The following ADARB2 variants were observed in gnomAD, a reference collection of about 807,000 sequenced individuals.
ADARB2 encodes the protein inactive double-stranded RNA-specific editase B2.
Under a neutral mutation model 62.2 loss-of-function variants are expected in ADARB2, and 25 were observed. The ratio of observed to expected loss-of-function variants is 0.40; its 90% CI spans 0.29 to 0.56. The LOEUF (loss-of-function observed/expected upper bound fraction) is 0.56, where lower values mean the gene tolerates loss of function less well. Ranked by LOEUF, ADARB2 falls within the 20% of genes least tolerant of loss-of-function variation. The pLI, the probability that ADARB2 is intolerant of heterozygous loss-of-function variation, is 0.43. For synonymous variants in ADARB2, 572 were observed against 500.8 expected (o/e 1.14, Z -1.90); for missense variants, 1,071 against 1,077.4 (o/e 0.99, Z 0.08).
At chr10:1,575,127 C>A (rs901373837) in intron 1 of ADARB2, among the ~76,000 whole-genome samples, 1 of 152,136 alleles carries the variant, frequency 6.6e-6, no homozygotes, top group Non-Finnish European at 1.5e-5. Flanking sequence ...ATTGATGGAC[C>A]AGAATGAATC....
chr10:1,207,354 C>T (rs1198025968), intron 7 of ADARB2, among the ~76,000 whole-genome samples: 2 of 152,138 alleles, frequency 1.3e-5, no homozygotes, highest in African/African-American at 4.8e-5. Flanking sequence ...TCAATCTGTA[C>T]AATTTTACTC....
At chr10:1,716,466 T>C (rs1443504755) in intron 1 of ADARB2, among the ~76,000 whole-genome samples, 2 of 152,266 alleles carry the variant, frequency 1.3e-5, no homozygotes, top group African/African-American at 2.4e-5. Flanking sequence ...TGTGAATTAA[T>C]CATTTGAGCA....
intron 7 of ADARB2, among the ~76,000 whole-genome samples, chr10:1,202,671 G>A (rs76155259): frequency 0.058 from 8,867 of 152,268 alleles, 872 homozygotes; most frequent in African/African-American, 0.2. Context: ...CCAGGGCTCC[G>A]GGTACTGTGG....
At chr10:1,247,693 C>T (rs75374394) in intron 4 of ADARB2, among the ~76,000 whole-genome samples, 3,882 of 152,238 alleles carry the variant, frequency 0.025, 60 homozygotes, top group Middle Eastern at 0.051. Flanking sequence ...GAAACGGCAC[C>T]AACCAGCATT....
rs1335790941 is a variant in ADARB2, at chr10:1,181,275, T to A, written c.*1918A>T. The A allele has an allele frequency of 2.0e-5, 3 of 152,350 alleles. No individual in the cohort carries two copies. The highest frequency in any genetic ancestry group is 7.2e-5 in the African/African-American group (3 of 41,582). The allele number at this position is 152,350 out of a possible 1,614,324, so 9.4% of individuals were successfully genotyped here. On this transcript the variant is annotated 3_prime_UTR_variant, in exon 10 of 10. Transcript: ENST00000381312. The stretch of plus-strand genomic sequence containing the variant: ...CACCCATCACCTCTCGACTCTAAGT[T>A]CTCTAAGCTTCATCCTAGTGATGTC...
chr10:1,545,570 C>T (rs1176962596), intron 1 of ADARB2, among the ~76,000 whole-genome samples: 1 of 152,188 alleles, frequency 6.6e-6, no homozygotes, highest in African/African-American at 2.4e-5. Context: ...CTCCCCTTCC[C>T]TTAAGGAAGA....
chr10:1,588,639 T>C (rs1310941915), intron 1 of ADARB2, among the ~76,000 whole-genome samples: 1 of 152,078 alleles, frequency 6.6e-6, no homozygotes, highest in Non-Finnish European at 1.5e-5. Flanking sequence ...GCTCGGAATT[T>C]TGGCCTAAGG....
chr10:1,206,980 T>C (rs1176130454), intron 7 of ADARB2, among the ~76,000 whole-genome samples: 1 of 152,212 alleles, frequency 6.6e-6, no homozygotes, highest in African/African-American at 2.4e-5. Context: ...GGCTGCTGAT[T>C]GTTTCATTAT....
At chr10:1,349,413 G>A (rs1225841363) in intron 3 of ADARB2, among the ~76,000 whole-genome samples, 3 of 152,126 alleles carry the variant, frequency 2.0e-5, no homozygotes, top group Non-Finnish European at 4.4e-5. Flanking sequence ...TCACACGAAC[G>A]TGCATGAAAT....
intron 3 of ADARB2, chr10:1,361,440 C>T (rs936809025): frequency 3.9e-5 from 6 of 152,072 alleles, no homozygotes; most frequent in African/African-American, 1.2e-4. Flanking sequence ...TATTTGAGGG[C>T]GAGTTTGGAC....
Position 1,233,809 on chromosome 10 carries a change from C to T in ADARB2, c.1398G>A (p.Val466=). The T allele has an allele frequency of 6.2e-7, 1 of 1,614,016 alleles. No individual in the cohort carries two copies. The highest frequency in any genetic ancestry group is 1.1e-5 in the South Asian group (1 of 91,044). Residue 466 remains valine (V), a synonymous_variant, in exon 6 of 10, where the codon GTG becomes GTA. Transcript: ENST00000381312. ...GCCGGTAGCCACCTTCTTTTAACCGCACGAATATCGATCGCTCTGAGTCCT... is the reference window on the plus strand; with the variant it reads ...GCCGGTAGCCACCTTCTTTTAACCGTACGAATATCGATCGCTCTGAGTCCT... The part of the protein sequence containing the change: ...RREDSERSIF[V]RLKEGGYRLR...
chr10:1,511,693 G>C (rs182976694), intron 1 of ADARB2, among the ~76,000 whole-genome samples: 1 of 150,968 alleles, frequency 6.6e-6, no homozygotes, highest in Admixed American at 6.6e-5. Context: ...CCAAGACGTC[G>C]ATACTGTCCA....
At chr10:1,634,616 G>A (rs1438382062) in intron 1 of ADARB2, among the ~76,000 whole-genome samples, 1 of 152,228 alleles carries the variant, frequency 6.6e-6, no homozygotes, top group African/African-American at 2.4e-5. Context: ...TACTTGGCAA[G>A]ATTCCTGCAC....
intron 1 of ADARB2, among the ~76,000 whole-genome samples, chr10:1,603,132 CACAT>C (rs1409241597): frequency 1.3e-5 from 2 of 151,386 alleles, no homozygotes; most frequent in African/African-American, 2.4e-5. Context: ...CACCTATACA[CACAT>C]AAACACACAC....
At chr10:1,217,168 G>C (rs771325574) in intron 6 of ADARB2, 49 bp from the exon 7 acceptor site, 18 of 1,487,094 alleles carry the variant, frequency 1.2e-5, no homozygotes, top group Non-Finnish European at 1.5e-5. Context: ...AGCCGCCTTG[G>C]TTTTGGGAGG....
chr10:1,562,599 T>C (rs1337283065), intron 1 of ADARB2, among the ~76,000 whole-genome samples: 4 of 152,230 alleles, frequency 2.6e-5, no homozygotes, highest in Non-Finnish European at 5.9e-5. Flanking sequence ...GCCTAGCATA[T>C]AGTAGGTGCT....
At chr10:1,403,136 A>G (rs1264945127) in intron 1 of ADARB2, among the ~76,000 whole-genome samples, 1 of 152,174 alleles carries the variant, frequency 6.6e-6, no homozygotes, top group Non-Finnish European at 1.5e-5. Context: ...TGCTGCCTCC[A>G]CTGGACCCTG....
At chr10:1,600,522 C>CGGG (rs1476010688) in intron 1 of ADARB2, among the ~76,000 whole-genome samples, 6 of 151,888 alleles carry the variant, frequency 4.0e-5, no homozygotes, top group Non-Finnish European at 5.9e-5. Flanking sequence ...AGTAGCTGGG[C>CGGG]GTGGTGGTGC....
At chr10:1,384,846 G>A (rs950876975) in intron 1 of ADARB2, among the ~76,000 whole-genome samples, 1 of 152,166 alleles carries the variant, frequency 6.6e-6, no homozygotes, top group South Asian at 2.1e-4. Context: ...CACATGAGAA[G>A]GAGAGACTCA....
Sources: allele counts gnomAD v4.1 joint callset (sites outside exome capture counted in the v4.1 genomes callset), GRCh38; gene constraint gnomAD v4.1.1; transcripts MANE v1.5; gene names NCBI Gene and HGNC (gene_info 2026-07-23, HGNC 2026-07-21).